The following ADGRE3 variants were observed in gnomAD, a reference collection of about 807,000 sequenced individuals.
ADGRE3 encodes adhesion G protein-coupled receptor E3.
ADGRE3 carries 88 observed loss-of-function variants against 80.1 expected under a neutral mutation model. The observed-to-expected ratio is 1.10, with a 90% CI of 0.93 to 1.31. The LOEUF (loss-of-function observed/expected upper bound fraction) is 1.31, where lower values mean the gene tolerates loss of function less well. Among genes scored for constraint, ADGRE3 ranks in the 40% most tolerant of loss-of-function variants. ADGRE3 has a pLI of 0.00. For synonymous variants in ADGRE3, 281 were observed against 294.8 expected (o/e 0.95, Z 0.48); for missense variants, 715 against 776.5 (o/e 0.92, Z 0.94).
In ADGRE3 at chr19:14,636,145, T is replaced by TCTTTCTTTCTTTCTTC. The variant is rs1971070357; in HGVS notation, c.1484+1959_1484+1960insGAAGAAAGAAAGAAAG. ...TTCTTTCTTTCTTTCTTTCTTTCTTTCTTTCTTCCTTTCCTCCTTTCCTTT... is the reference window on the plus strand; with the variant it reads ...TTCTTTCTTTCTTTCTTTCTTTCTTTCTTTCTTTCTTTCTTCCTTTCTTCCTTTCCTCCTTTCCTTT... On this transcript the variant is annotated intron_variant, in intron 11 of 15. Coordinates refer to ENST00000253673, the MANE Select transcript of ADGRE3 (RefSeq NM_032571.5). Among the ~76,000 whole-genome samples, 5 of 22,240 alleles carry TCTTTCTTTCTTTCTTC rather than the reference T, an allele frequency of 2.2e-4. 1 individual carries two copies. Among genetic ancestry groups the TCTTTCTTTCTTTCTTC allele is most frequent in the African/African-American group, 6.1e-4 (5 of 8,182 alleles). The allele number at this position is 22,240 out of a possible 152,430, so 14.6% of individuals were successfully genotyped here. A position where few individuals can be genotyped will look rare whatever the true frequency, so the allele number is the denominator to read the frequency against.
chr19:14,608,109 C>A, the ADGRE3 span, among the ~76,000 whole-genome samples: 3 of 151,756 alleles, frequency 2.0e-5, no homozygotes, highest in African/African-American at 4.8e-5. Flanking sequence ...TGAGCTCAAG[C>A]GATCCACCCG....
chr19:14,607,608 C>G, the ADGRE3 span, among the ~76,000 whole-genome samples: 4 of 151,230 alleles, frequency 2.6e-5, no homozygotes, highest in Non-Finnish European at 5.9e-5. Context: ...GACGGAGTCT[C>G]GCTGTCGCTC....
chr19:14,602,053 A>G, the ADGRE3 span, among the ~76,000 whole-genome samples: 278 of 152,156 alleles, frequency 1.8e-3, 1 homozygote, highest in Non-Finnish European at 2.5e-3. Context: ...CGGCCTCCCA[A>G]AGTGCTGGGA....
chr19:14,629,203 C>A (rs190131580), intron 14 of ADGRE3, among the ~76,000 whole-genome samples: 8 of 152,254 alleles, frequency 5.3e-5, no homozygotes, highest in Admixed American at 3.9e-4. Flanking sequence ...GGATTACAGG[C>A]GTGAGCCACT....
the ADGRE3 span, among the ~76,000 whole-genome samples, chr19:14,612,936 T>A: frequency 3.5e-4 from 53 of 152,114 alleles, no homozygotes; most frequent in Middle Eastern, 3.4e-3. Flanking sequence ...TTTATTTTTT[T>A]TTTTTTTGTG....
the ADGRE3 span, among the ~76,000 whole-genome samples, chr19:14,601,372 T>G: frequency 6.6e-6 from 1 of 152,210 alleles, no homozygotes. Flanking sequence ...CTCACCTCCG[T>G]GCAACCAGAA....
chr19:14,636,042 TTCCTTCCTTCCTTCC>T (rs1388853452), intron 11 of ADGRE3, among the ~76,000 whole-genome samples: 83 of 72,834 alleles, frequency 1.1e-3, no homozygotes, highest in Non-Finnish European at 1.9e-3. Context: ...CCTTCCTTCC[TTCCTTCCTTCCTTCC>T]TTCCTTTCCT....
At chr19:14,640,719 T>A (rs1971223516) in intron 10 of ADGRE3, among the ~76,000 whole-genome samples, 1 of 152,108 alleles carries the variant, frequency 6.6e-6, no homozygotes, top group Admixed American at 6.6e-5. Flanking sequence ...AATTCCCAAA[T>A]GTTGTGGGGA....
rs781326971 is a variant in ADGRE3 at position 14,632,998 on chromosome 19, C to T, written c.1566G>A (p.Leu522=). ...VCAIFSANLV[L]FILVFWILKR... ...TCAAAATCCAAAAGACCAAGATAAA[C>T]AATACTAAATTCGCCTGCAGGACCA... Residue 522 remains leucine (L), a synonymous_variant, in exon 13 of 16, where the codon TTG becomes TTA. Transcript: ENST00000253673. The T allele has an allele frequency of 4.3e-6, 7 of 1,613,668 alleles. No homozygotes were observed.
the ADGRE3 span, among the ~76,000 whole-genome samples, chr19:14,603,064 G>T: frequency 6.6e-6 from 1 of 152,126 alleles, no homozygotes; most frequent in African/African-American, 2.4e-5. Context: ...AGTTAAATTA[G>T]GTAATGTAAA....
chr19:14,601,524 A>T, the ADGRE3 span, among the ~76,000 whole-genome samples: 1 of 152,184 alleles, frequency 6.6e-6, no homozygotes, highest in African/African-American at 2.4e-5. Flanking sequence ...ACTTGCCTGG[A>T]GTCACTTACA....
chr19:14,651,245 G>A, intron 6 of ADGRE3, 41 bp from the exon 7 acceptor site: 1 of 1,612,058 alleles, frequency 6.2e-7, no homozygotes, highest in Non-Finnish European at 8.5e-7. Flanking sequence ...GATATTGTAA[G>A]AAACTTTAAA....
the ADGRE3 span, among the ~76,000 whole-genome samples, chr19:14,611,711 C>A: frequency 6.6e-6 from 1 of 152,062 alleles, no homozygotes; most frequent in Non-Finnish European, 1.5e-5. Flanking sequence ...TGATATAATT[C>A]ACTTTACTTG....
chr19:14,659,822 GAAAAAAAA>G lies in ADGRE3; in HGVS notation c.356-1280_356-1273del, dbSNP rs66908687. ...GGAGACAGAGCGAGACTCTGCCTCT[GAAAAAAAA>G]AAAAAAAAAAAAAAAAAAGACAAGG... On this transcript the variant is annotated intron_variant, in intron 4 of 15. Transcript: ENST00000253673. 2.5e-3 allele frequency among the ~76,000 whole-genome samples: 110 copies of G among 44,820 alleles called. 6 individuals are homozygous for G. The South Asian group carries it at 0.11, about 43-fold the overall frequency. 29.4% of individuals were successfully genotyped at this position (44,820 alleles called of 152,430 possible). A position where few individuals can be genotyped will look rare whatever the true frequency, so the allele number is the denominator to read the frequency against.
At chr19:14,669,723 C>G (rs543243386) in intron 1 of ADGRE3, among the ~76,000 whole-genome samples, 1 of 152,206 alleles carries the variant, frequency 6.6e-6, no homozygotes, top group Non-Finnish European at 1.5e-5. Context: ...CCCCTGACCT[C>G]AAGTGATCCA....
At chr19:14,652,183 T>C (rs1363696684) in intron 6 of ADGRE3, among the ~76,000 whole-genome samples, 2 of 152,158 alleles carry the variant, frequency 1.3e-5, no homozygotes, top group African/African-American at 4.8e-5. Context: ...ATGTGAGTGA[T>C]GGATGTGTTA....
intron 15 of ADGRE3, among the ~76,000 whole-genome samples, chr19:14,620,475 G>GTATATTCATGT (rs1970528331): frequency 2.5e-4 from 8 of 31,682 alleles, no homozygotes; most frequent in African/African-American, 5.2e-4. Flanking sequence ...AATATATTAT[G>GTATATTCATGT]AGTACATATG....
At chr19:14,632,257 T>C (rs1970905388) in intron 13 of ADGRE3, among the ~76,000 whole-genome samples, 1 of 152,192 alleles carries the variant, frequency 6.6e-6, no homozygotes, top group Non-Finnish European at 1.5e-5. Context: ...TCTATATAAT[T>C]TAAGCTTCTT....
intron 8 of ADGRE3, among the ~76,000 whole-genome samples, chr19:14,645,564 C>T (rs989994736): frequency 2.0e-4 from 31 of 151,686 alleles, no homozygotes; most frequent in Non-Finnish European, 1.3e-4. Flanking sequence ...GAGGCTGAGG[C>T]AGGAGAATCG....
Sources: gnomAD v4.1 joint callset for allele counts (sites outside exome capture counted in the v4.1 genomes callset) on GRCh38, gnomAD v4.1.1 for gene constraint, MANE v1.5 for transcripts, NCBI Gene and HGNC (gene_info 2026-07-23, HGNC 2026-07-21) for gene names.